The following IKZF3 variants were observed in gnomAD, a reference collection of about 807,000 sequenced individuals.
The protein encoded by IKZF3 is IKAROS family zinc finger 3, also known as zinc finger protein Aiolos.
Under a neutral mutation model 49.0 loss-of-function variants are expected in IKZF3, and 10 were observed. That is an observed-to-expected ratio of 0.20 (90% CI 0.13 to 0.35). The LOEUF (loss-of-function observed/expected upper bound fraction) is 0.35, where lower values mean the gene tolerates loss of function less well. Among genes scored for constraint, IKZF3 ranks in the 10% least tolerant of loss-of-function variants. The pLI is 1.00. For synonymous variants in IKZF3, 209 were observed against 228.2 expected (o/e 0.92, Z 0.76); for missense variants, 498 against 664.8 (o/e 0.75, Z 2.76).
intron 1 of IKZF3, among the ~76,000 whole-genome samples, chr17:39,845,064 G>A (rs1292575834): frequency 6.6e-6 from 1 of 152,096 alleles, no homozygotes; most frequent in Non-Finnish European, 1.5e-5. Context: ...CTCTATTGTT[G>A]ATCCCTATGA....
rs1464907015 is a variant in IKZF3 at position 39,766,082 on chromosome 17, T to C, written c.1238A>G (p.Asn413Ser). ...QNHMVLSRAR[N>S]GMPLLKEVPR... ...AACCTCCTTCAGAAGTGGCATCCCATTGCGGGCCCGAGACAGGACCATGTG... is the reference window on the plus strand; with the variant it reads ...AACCTCCTTCAGAAGTGGCATCCCACTGCGGGCCCGAGACAGGACCATGTG... The change falls in exon 8 of 8, where the codon AAT becomes AGT. Residue 413 changes from asparagine (N) to serine (S), a missense_variant. Around this residue, in one of 3 missense-constraint regions of IKZF3, gnomAD observed 317 missense variants for 397.3 expected, o/e 0.80. Coordinates refer to ENST00000346872, the MANE Select transcript of IKZF3 (RefSeq NM_012481.5). 1.9e-6 allele frequency: 3 copies of C among 1,613,996 alleles called. No individual in the cohort carries two copies. Among genetic ancestry groups the C allele is most frequent in the African/African-American group, 1.3e-5 (1 of 74,910 alleles).
Position 39,758,339 on chromosome 17 carries a change from C to T in IKZF3, c.*7451G>A, listed in dbSNP as rs1451558910. On this transcript the variant is annotated 3_prime_UTR_variant, in exon 8 of 8. Transcript: ENST00000346872. ...TGTGAACCCACAGAAGCAGGCCCAC[C>T]AAAAAGGGCCTTGTCTGCTAGCCTG... The T allele has an allele frequency of 6.6e-6, 1 of 152,144 alleles. No individual in the cohort carries two copies. The highest frequency in any genetic ancestry group is 1.5e-5 in the Non-Finnish European group (1 of 68,028). The allele number at this position is 152,144 out of a possible 1,614,324, so 9.4% of individuals were successfully genotyped here.
At chr17:39,772,489 G>GAAAATAGA (rs1331534076) in intron 7 of IKZF3, among the ~76,000 whole-genome samples, 1 of 152,176 alleles carries the variant, frequency 6.6e-6, no homozygotes, top group East Asian at 1.9e-4. Context: ...AAAAAGGCAG[G>GAAAATAGA]AAAATAGAAT....
At chr17:39,825,127 T>A (rs1333463189) in intron 3 of IKZF3, among the ~76,000 whole-genome samples, 1 of 152,158 alleles carries the variant, frequency 6.6e-6, no homozygotes, top group Non-Finnish European at 1.5e-5. Flanking sequence ...GAAGTGTGAG[T>A]CAATTAAACC....
chr17:39,826,244 T>C (rs747346754), intron 3 of IKZF3, among the ~76,000 whole-genome samples: 5 of 152,152 alleles, frequency 3.3e-5, no homozygotes, highest in Non-Finnish European at 7.4e-5. Flanking sequence ...GGTCTCACTA[T>C]ATTGCCCAGG....
At chr17:39,774,261 A>T (rs2060520318) in intron 7 of IKZF3, among the ~76,000 whole-genome samples, 1 of 152,060 alleles carries the variant, frequency 6.6e-6, no homozygotes, top group Non-Finnish European at 1.5e-5. Flanking sequence ...AAAGGGAATG[A>T]CTCACTCTTC....
intron 1 of IKZF3, among the ~76,000 whole-genome samples, chr17:39,850,543 T>TTATAGCATATTATACATGTACATATAGTA (rs1568063781): frequency 1.7e-5 from 2 of 117,740 alleles, no homozygotes; most frequent in Non-Finnish European, 3.3e-5. Flanking sequence ...CATGTACATA[T>TTATAGCATATTATACATGTACATATAGTA]TATAGCATAT....
At chr17:39,791,694 T>A in intron 4 of IKZF3, 111 bp from the exon 5 acceptor site, 2 of 1,029,234 alleles carry the variant, frequency 1.9e-6, no homozygotes, top group Non-Finnish European at 2.9e-6. Context: ...ACTGTTCACA[T>A]TGGGATCAGT....
chr17:39,821,926 T>C (rs1282460821), intron 3 of IKZF3, among the ~76,000 whole-genome samples: 1 of 152,182 alleles, frequency 6.6e-6, no homozygotes. Flanking sequence ...AGGGGCAGTA[T>C]CTTGGCTTTT....
intron 3 of IKZF3, among the ~76,000 whole-genome samples, chr17:39,798,363 G>A (rs1299534699): frequency 6.6e-6 from 1 of 151,994 alleles, no homozygotes; most frequent in East Asian, 1.9e-4. Flanking sequence ...AAGGCCTTTC[G>A]GGATCTGGCC....
intron 3 of IKZF3, among the ~76,000 whole-genome samples, chr17:39,827,917 A>AGT (rs1226086691): frequency 6.6e-6 from 1 of 152,204 alleles, no homozygotes; most frequent in Non-Finnish European, 1.5e-5. Context: ...GAGCTAAGGG[A>AGT]GTGTTCCCAC....
At chr17:39,784,776 C>T (rs2143806266) in intron 6 of IKZF3, among the ~76,000 whole-genome samples, 1 of 152,256 alleles carries the variant, frequency 6.6e-6, no homozygotes. Context: ...CAGAGCCTGG[C>T]ACATAGAGAA....
intron 3 of IKZF3, among the ~76,000 whole-genome samples, chr17:39,794,275 T>G (rs1200329905): frequency 6.6e-6 from 1 of 152,194 alleles, no homozygotes; most frequent in Non-Finnish European, 1.5e-5. Context: ...ATATAAGGCC[T>G]AAGTGGGTTC....
chr17:39,801,554 A>G (rs1368838746), intron 3 of IKZF3, among the ~76,000 whole-genome samples: 1 of 152,206 alleles, frequency 6.6e-6, no homozygotes, highest in Non-Finnish European at 1.5e-5. Flanking sequence ...ATCTAGCACA[A>G]ACAGATGAAC....
Position 39,758,631 on chromosome 17 carries a change from G to C in IKZF3, c.*7159C>G, listed in dbSNP as rs183906961. On this transcript the variant is annotated 3_prime_UTR_variant, in exon 8 of 8. Coordinates refer to ENST00000346872, the MANE Select transcript of IKZF3 (RefSeq NM_012481.5). ...AATAACTCAAGTTTTGGAGCAGCGG[G>C]GGGTGGGGTACTAATGGCTGAGGAC... The C allele has an allele frequency of 6.6e-6, 1 of 151,752 alleles. No individual in the cohort carries two copies. Among genetic ancestry groups the C allele is most frequent in the Non-Finnish European group, 1.5e-5 (1 of 68,006 alleles). The allele number at this position is 151,752 out of a possible 1,614,324, so 9.4% of individuals were successfully genotyped here.
At chr17:39,813,896 A>G (rs9909593) in intron 3 of IKZF3, among the ~76,000 whole-genome samples, 57,879 of 152,122 alleles carry the variant, frequency 0.38, 12,176 homozygotes, top group Non-Finnish European at 0.46. Flanking sequence ...ATTTGCGTGT[A>G]CTAAGCAGTA....
chr17:39,779,422 T>C (rs1220033525), intron 6 of IKZF3, among the ~76,000 whole-genome samples: 1 of 151,926 alleles, frequency 6.6e-6, no homozygotes, highest in Admixed American at 6.6e-5. Flanking sequence ...GATTGAGCCA[T>C]TGCACTCCAG....
At chr17:39,858,285 T>G (rs1384417484) in intron 1 of IKZF3, among the ~76,000 whole-genome samples, 2 of 152,032 alleles carry the variant, frequency 1.3e-5, no homozygotes, top group Non-Finnish European at 2.9e-5. Flanking sequence ...ATAGCAAGAC[T>G]ATGTCTCTAT....
chr17:39,792,854 T>G lies in IKZF3; in HGVS notation c.243A>C (p.Glu81Asp). Residue 81 changes from glutamate (E) to aspartate (D), a missense_variant, in exon 4 of 8, where the codon GAA (glutamate) becomes GAC (aspartate). Physicochemically the swap from Glu to Asp is conservative, Grantham distance 45. Transcript: ENST00000346872. Reference protein sequence around the residue: ...VLKSEPMGNAEEPEIPYSYSR... With the variant: ...VLKSEPMGNADEPEIPYSYSR... Reference sequence around the variant, plus strand: ...AATAGCTGTAAGGGATTTCAGGCTCTTCTGCATTTCCCATGGGTTCTGACT... The same window carrying G: ...AATAGCTGTAAGGGATTTCAGGCTCGTCTGCATTTCCCATGGGTTCTGACT... 1 of 1,614,102 alleles carries G rather than the reference T, an allele frequency of 6.2e-7. No homozygotes were observed.
Sources: allele counts gnomAD v4.1 joint callset (sites outside exome capture counted in the v4.1 genomes callset), GRCh38; gene constraint gnomAD v4.1.1; regional missense constraint gnomAD v4.1.1; transcripts MANE v1.5; gene names NCBI Gene and HGNC (gene_info 2026-07-23, HGNC 2026-07-21).